ATF6: variants seen among roughly 807,000 people sequenced by gnomAD.
ATF6 encodes the protein cyclic AMP-dependent transcription factor ATF-6 alpha.
ATF6 carries 53 observed loss-of-function variants against 83.6 expected under a neutral mutation model. The ratio of observed to expected loss-of-function variants is 0.63; its 90% CI spans 0.51 to 0.80. ATF6 has a LOEUF of 0.80. Ranked by LOEUF, ATF6 falls within the 30% of genes least tolerant of loss-of-function variation. The pLI is 0.00. For synonymous variants in ATF6, 288 were observed against 285.8 expected (o/e 1.01, Z -0.08); for missense variants, 744 against 797.9 (o/e 0.93, Z 0.81).
intron 4 of ATF6, among the ~76,000 whole-genome samples, chr1:161,784,485 T>G (rs1684702724): frequency 6.6e-6 from 1 of 152,182 alleles, no homozygotes; most frequent in Non-Finnish European, 1.5e-5. Context: ...AGTCACAGCA[T>G]CTAGAATGAT....
At position 161,820,172 on chromosome 1, in the gene ATF6, A is replaced by G. The variant is rs1482754704; in HGVS notation, c.1095+354A>G. 2.6e-5 allele frequency among the ~76,000 whole-genome samples: 4 copies of G among 152,272 alleles called. No homozygotes were observed. In the East Asian group the frequency reaches 7.7e-4, roughly 29 times the overall value. ...TATAAAAGTGTTTTTATTTTTTCTCAGTCCACCTAACAACTAATGTGATTT... is the reference window on the plus strand; with the variant it reads ...TATAAAAGTGTTTTTATTTTTTCTCGGTCCACCTAACAACTAATGTGATTT... On this transcript the variant is annotated intron_variant, in intron 8 of 15. Transcript: ENST00000367942.
intron 14 of ATF6, among the ~76,000 whole-genome samples, chr1:161,895,470 A>G (rs1188907599): frequency 1.3e-5 from 2 of 152,212 alleles, no homozygotes; most frequent in Non-Finnish European, 2.9e-5. Flanking sequence ...CCAATCTAAT[A>G]TTATAACTTC....
At chr1:161,912,801 A>G (rs549580330) in intron 15 of ATF6, among the ~76,000 whole-genome samples, 3 of 152,280 alleles carry the variant, frequency 2.0e-5, no homozygotes, top group South Asian at 4.1e-4. Context: ...TTTATGTTTA[A>G]TTGATAATAC....
In ATF6 at chr1:161,863,257, T is replaced by C; in HGVS notation, c.1664T>C (p.Phe555Ser). ...GCTTCACCCAGAAGTTATCAAGACT[T>C]TTTTGAAGCCATCCGCAGAAGGGGA... ...YYASPRSYQD[F>S]FEAIRRRGDT... Residue 555 changes from phenylalanine (F) to serine (S), a missense_variant, in exon 14 of 16, where the codon TTT becomes TCT. Phe to Ser is a radical substitution (Grantham distance 155, BLOSUM62 -2). Transcript: ENST00000367942. 6.2e-7 allele frequency: 1 copy of C among 1,613,494 alleles called. No homozygotes were observed. The highest frequency in any genetic ancestry group is 8.5e-7 in the Non-Finnish European group (1 of 1,179,536).
chr1:161,898,870 A>G (rs1687728664), intron 14 of ATF6, among the ~76,000 whole-genome samples: 1 of 152,024 alleles, frequency 6.6e-6, no homozygotes, highest in Admixed American at 6.6e-5. Flanking sequence ...TTTTATGTAT[A>G]TCCTCACTAA....
intron 12 of ATF6, 141 bp downstream of exon 12, chr1:161,853,464 T>C (rs1049552002): frequency 2.9e-6 from 2 of 681,712 alleles, no homozygotes; most frequent in African/African-American, 1.8e-5. Context: ...CCGATGCAGC[T>C]ATCATTGCCA....
intron 7 of ATF6, among the ~76,000 whole-genome samples, chr1:161,804,834 T>C (rs760543033): frequency 7.9e-5 from 12 of 152,156 alleles, no homozygotes; most frequent in Admixed American, 1.3e-4. Context: ...ATTAGTTCTC[T>C]GGTGTGAAAG....
chr1:161,895,268 T>G (rs1005545696), intron 14 of ATF6, among the ~76,000 whole-genome samples: 12 of 152,268 alleles, frequency 7.9e-5, no homozygotes, highest in Non-Finnish European at 1.5e-4. Flanking sequence ...GCTTTTTAAT[T>G]TCAAAAGTAC....
At chr1:161,812,176 A>G (rs894463677) in intron 7 of ATF6, among the ~76,000 whole-genome samples, 1 of 152,072 alleles carries the variant, frequency 6.6e-6, no homozygotes, top group African/African-American at 2.4e-5. Context: ...AGCTCTTTGA[A>G]ATGAATCAGG....
intron 7 of ATF6, among the ~76,000 whole-genome samples, chr1:161,806,999 G>A (rs866000273): frequency 4.6e-5 from 7 of 152,024 alleles, no homozygotes; most frequent in Non-Finnish European, 8.8e-5. Flanking sequence ...CATGAGCTTG[G>A]AGAATCTACC....
chr1:161,931,707 G>A (rs184847977), intron 15 of ATF6, among the ~76,000 whole-genome samples: 1 of 152,066 alleles, frequency 6.6e-6, no homozygotes, highest in African/African-American at 2.4e-5. Context: ...CAAAACATTT[G>A]CCCATTTTTT....
At chr1:161,783,769 C>A (rs1234003251) in intron 3 of ATF6, among the ~76,000 whole-genome samples, 1 of 151,774 alleles carries the variant, frequency 6.6e-6, no homozygotes, top group Non-Finnish European at 1.5e-5. Flanking sequence ...CACAGACATA[C>A]ATATATACCC....
At chr1:161,905,086 C>T (rs114962609) in intron 14 of ATF6, among the ~76,000 whole-genome samples, 16 of 152,282 alleles carry the variant, frequency 1.1e-4, no homozygotes, top group Non-Finnish European at 1.9e-4. Context: ...AATAGCTAGA[C>T]ACTGAGGCTC....
At chr1:161,914,259 C>G (rs1294877069) in intron 15 of ATF6, among the ~76,000 whole-genome samples, 1 of 151,886 alleles carries the variant, frequency 6.6e-6, no homozygotes, top group African/African-American at 2.4e-5. Flanking sequence ...TGATTTTTTC[C>G]CCTTCCTCAT....
chr1:161,944,924 A>G (rs916418085), intron 15 of ATF6, among the ~76,000 whole-genome samples: 1 of 151,822 alleles, frequency 6.6e-6, no homozygotes, highest in Non-Finnish European at 1.5e-5. Flanking sequence ...ATCCAGCTCT[A>G]TACAAGTTTT....
intron 14 of ATF6, among the ~76,000 whole-genome samples, chr1:161,907,233 C>T (rs1477474504): frequency 2.0e-5 from 3 of 152,170 alleles, no homozygotes; most frequent in Non-Finnish European, 4.4e-5. Context: ...TCTTCAACTT[C>T]TTTGACAGCT....
chr1:161,897,017 A>G (rs1356046350), intron 14 of ATF6, among the ~76,000 whole-genome samples: 2 of 152,208 alleles, frequency 1.3e-5, no homozygotes, highest in Non-Finnish European at 2.9e-5. Flanking sequence ...AAATACGCAA[A>G]CCAGTAAAAT....
At chr1:161,817,723 C>T (rs1311399365) in intron 7 of ATF6, among the ~76,000 whole-genome samples, 1 of 152,096 alleles carries the variant, frequency 6.6e-6, no homozygotes. Flanking sequence ...TTGGTGTTGG[C>T]AGATCACTTG....
intron 14 of ATF6, among the ~76,000 whole-genome samples, chr1:161,889,381 C>T (rs1369689523): frequency 6.6e-6 from 1 of 152,232 alleles, no homozygotes; most frequent in Non-Finnish European, 1.5e-5. Flanking sequence ...CCTCTGCTGT[C>T]GCTTCCCTTC....
Sources: allele counts gnomAD v4.1 joint callset (sites outside exome capture counted in the v4.1 genomes callset), GRCh38; gene constraint gnomAD v4.1.1; transcripts MANE v1.5; gene names NCBI Gene and HGNC (gene_info 2026-07-23, HGNC 2026-07-21).